Variants in LYRM1 observed in about 807,000 individuals in gnomAD.
The protein encoded by LYRM1 is LYR motif containing 1, also known as LYR motif-containing protein 1.
LYRM1 carries 14 observed loss-of-function variants against 14.9 expected under a neutral mutation model. The observed-to-expected ratio is 0.94, with a 90% CI of 0.62 to 1.47. The LOEUF (loss-of-function observed/expected upper bound fraction) is 1.47. Ranked by LOEUF, LYRM1 falls within the 40% of genes most tolerant of loss-of-function variation. LYRM1 has a pLI of 0.00. For missense variants in LYRM1, 153 were observed against 149.9 expected (o/e 1.02, Z -0.11); for synonymous variants, 43 against 56.2 (o/e 0.77, Z 1.05).
At chr16:20,916,007 A>G (rs962056098) in intron 2 of LYRM1, among the ~76,000 whole-genome samples, 1 of 152,214 alleles carries the variant, frequency 6.6e-6, no homozygotes, top group Non-Finnish European at 1.5e-5. Flanking sequence ...AGGAGGAGCC[A>G]GTCCTCATAC....
chr16:20,915,837 A>G, intron 2 of LYRM1, 123 bp downstream of exon 2: 2 of 1,036,984 alleles, frequency 1.9e-6, no homozygotes, highest in South Asian at 3.3e-5. Context: ...AACTTGGGGC[A>G]GGAAGGGGCC....
At chr16:20,913,953 C>T (rs2082732293) in intron 1 of LYRM1, among the ~76,000 whole-genome samples, 2 of 152,062 alleles carry the variant, frequency 1.3e-5, no homozygotes, top group Non-Finnish European at 2.9e-5. Context: ...GGACGATAGG[C>T]ACTCACCACA....
chr16:20,922,469 T>G (rs2083245656), intron 3 of LYRM1, among the ~76,000 whole-genome samples: 1 of 152,144 alleles, frequency 6.6e-6, no homozygotes, highest in African/African-American at 2.4e-5. Flanking sequence ...GAGATACATC[T>G]AGATACGCCT....
At chr16:20,911,733 T>C (rs893209937) in intron 1 of LYRM1, among the ~76,000 whole-genome samples, 1 of 152,056 alleles carries the variant, frequency 6.6e-6, no homozygotes, top group Non-Finnish European at 1.5e-5. Flanking sequence ...TAAATAGTTA[T>C]GAAAAAAGGA....
chr16:20,904,301 G>T (rs1378477361), intron 1 of LYRM1, among the ~76,000 whole-genome samples: 1 of 152,136 alleles, frequency 6.6e-6, no homozygotes, highest in Admixed American at 6.5e-5. Flanking sequence ...GCGCTCCGGT[G>T]CTGGTATGAT....
At chr16:20,904,691 T>TTGTGTGTGTGTGTGTGTGTG (rs3841490) in intron 1 of LYRM1, among the ~76,000 whole-genome samples, 2 of 141,062 alleles carry the variant, frequency 1.4e-5, no homozygotes, top group African/African-American at 5.4e-5. Flanking sequence ...AAGTCTGTGG[T>TTGTGTGTGTGTGTGTGTGTG]TGTGTGTGTG....
rs537494886 is a variant in LYRM1, at chr16:20,909,708, C to G, written c.1-5848C>G. Reference sequence around the variant, plus strand: ...TTCTAAATAAGTTGCTTTCTAGGAACAAAGACAAAAATATAAAAAGGAAAA... The same window carrying G: ...TTCTAAATAAGTTGCTTTCTAGGAAGAAAGACAAAAATATAAAAAGGAAAA... On this transcript the variant is annotated intron_variant, in intron 1 of 3. Coordinates refer to ENST00000567954, the MANE Select transcript of LYRM1 (RefSeq NM_001128302.3). Among the ~76,000 whole-genome samples, 3 of 152,148 alleles carry G rather than the reference C, an allele frequency of 2.0e-5. No homozygotes were observed. The East Asian group carries it at 5.8e-4, about 29-fold the overall frequency.
At chr16:20,904,217 CTG>C (rs1426130934) in intron 1 of LYRM1, among the ~76,000 whole-genome samples, 2 of 152,140 alleles carry the variant, frequency 1.3e-5, no homozygotes, top group African/African-American at 4.8e-5. Flanking sequence ...GGAAAAATAG[CTG>C]TATATCTATT....
At chr16:20,911,976 G>C (rs1045896276) in intron 1 of LYRM1, among the ~76,000 whole-genome samples, 2 of 151,982 alleles carry the variant, frequency 1.3e-5, no homozygotes, top group African/African-American at 2.4e-5. Flanking sequence ...AGGCTGGAGT[G>C]CAGGGGCTCA....
At chr16:20,903,055 T>G (rs999798938) in intron 1 of LYRM1, among the ~76,000 whole-genome samples, 6 of 152,198 alleles carry the variant, frequency 3.9e-5, no homozygotes, top group Admixed American at 2.6e-4. Flanking sequence ...AGAGTGGCCA[T>G]GGATAAAGCT....
At chr16:20,912,109 A>G (rs1384485282) in intron 1 of LYRM1, among the ~76,000 whole-genome samples, 1 of 151,660 alleles carries the variant, frequency 6.6e-6, no homozygotes, top group Non-Finnish European at 1.5e-5. Context: ...CAATTTTTGT[A>G]TTTTTTTACA....
intron 1 of LYRM1, among the ~76,000 whole-genome samples, chr16:20,905,650 T>C (rs2082282355): frequency 6.6e-6 from 1 of 152,184 alleles, no homozygotes; most frequent in Non-Finnish European, 1.5e-5. Context: ...AACCCCATTC[T>C]TCTATGTTTG....
intron 1 of LYRM1, among the ~76,000 whole-genome samples, chr16:20,913,100 T>A (rs775778374): frequency 2.3e-4 from 33 of 146,520 alleles, no homozygotes; most frequent in Non-Finnish European, 4.5e-4. Flanking sequence ...TAATAATAAT[T>A]AAATAAATAA....
At chr16:20,907,902 G>A (rs1274098513) in intron 1 of LYRM1, among the ~76,000 whole-genome samples, 3 of 152,066 alleles carry the variant, frequency 2.0e-5, no homozygotes, top group Admixed American at 2.0e-4. Flanking sequence ...ATCTGCCTAT[G>A]CCACTAGAAT....
At chr16:20,903,330 T>C (rs552056088) in intron 1 of LYRM1, among the ~76,000 whole-genome samples, 43 of 152,366 alleles carry the variant, frequency 2.8e-4, no homozygotes, top group African/African-American at 9.9e-4. Context: ...CCCGTCTATG[T>C]GGCTCATGCT....
upstream of LYRM1, chr16:20,900,474 A>C (rs2081981268): frequency 6.6e-6 from 1 of 152,282 alleles, no homozygotes; most frequent in Non-Finnish European, 1.5e-5. Flanking sequence ...GAGAGGGGCA[A>C]GGAGGGAACG....
At chr16:20,921,888 G>A (rs1346319575) in intron 3 of LYRM1, 1 of 151,824 alleles carries the variant, frequency 6.6e-6, no homozygotes, top group Non-Finnish European at 1.5e-5. Context: ...CTGTATTCAT[G>A]TACCTACATT....
intron 2 of LYRM1, among the ~76,000 whole-genome samples, chr16:20,919,884 A>G (rs1173487222): frequency 1.3e-5 from 2 of 152,238 alleles, no homozygotes; most frequent in African/African-American, 2.4e-5. Flanking sequence ...ATAGAGGAGT[A>G]AGAGGGAAAC....
chr16:20,911,567 A>G (rs578195229), intron 1 of LYRM1, among the ~76,000 whole-genome samples: 3 of 152,246 alleles, frequency 2.0e-5, no homozygotes, highest in East Asian at 1.9e-4. Context: ...TGGCCTTGCT[A>G]CTTACTCACC....
Sources: gnomAD v4.1 joint callset for allele counts (sites outside exome capture counted in the v4.1 genomes callset) on GRCh38, gnomAD v4.1.1 for gene constraint, MANE v1.5 for transcripts, NCBI Gene and HGNC (gene_info 2026-07-23, HGNC 2026-07-21) for gene names.